NALCN: variants seen among roughly 807,000 people sequenced by gnomAD.
The protein encoded by NALCN is sodium leak channel NALCN.
In NALCN, 111 loss-of-function variants were observed where a neutral mutation model predicts 225.3. The ratio of observed to expected loss-of-function variants is 0.49; its 90% CI spans 0.42 to 0.58. The LOEUF (loss-of-function observed/expected upper bound fraction) is 0.58, where lower values mean the gene tolerates loss of function less well. Ranked by LOEUF, NALCN falls within the 20% of genes least tolerant of loss-of-function variation. NALCN has a pLI of 0.00. For missense variants in NALCN, 1,378 were observed against 2,202.4 expected (o/e 0.63, Z 7.49); for synonymous variants, 764 against 769.0 (o/e 0.99, Z 0.11).
intron 14 of NALCN, among the ~76,000 whole-genome samples, chr13:101,188,597 C>CAT (rs1198443450): frequency 1.3e-5 from 2 of 150,994 alleles, no homozygotes; most frequent in Non-Finnish European, 2.9e-5. Context: ...TATACACACA[C>CAT]ATATATATAC....
intron 33 of NALCN, 152 bp from the exon 34 acceptor site, chr13:101,081,798 A>C (rs1421950488): frequency 1.9e-5 from 20 of 1,075,902 alleles, no homozygotes; most frequent in Non-Finnish European, 2.6e-5. Flanking sequence ...TCCATTGAAA[A>C]TGAGACAAAC....
chr13:101,353,229 C>T (rs766165889), intron 6 of NALCN, among the ~76,000 whole-genome samples: 1 of 152,168 alleles, frequency 6.6e-6, no homozygotes, highest in African/African-American at 2.4e-5. Flanking sequence ...TTACGTGGTG[C>T]TTGTCTTGCC....
At chr13:101,288,548 A>G (rs1043297256) in intron 9 of NALCN, among the ~76,000 whole-genome samples, 5 of 152,162 alleles carry the variant, frequency 3.3e-5, no homozygotes, top group African/African-American at 1.2e-4. Flanking sequence ...AGAAAAACTC[A>G]AAAGTGCCCA....
chr13:101,279,928 T>TA (rs1369701403), intron 10 of NALCN, among the ~76,000 whole-genome samples: 1 of 151,896 alleles, frequency 6.6e-6, no homozygotes, highest in Admixed American at 6.6e-5. Context: ...GATACCATGG[T>TA]AGTCCAAGCC....
At chr13:101,403,642 ACT>A (rs2047539333) in intron 1 of NALCN, among the ~76,000 whole-genome samples, 1 of 152,226 alleles carries the variant, frequency 6.6e-6, no homozygotes, top group African/African-American at 2.4e-5. Context: ...GAAGTCATTG[ACT>A]CATTTTTAAT....
At chr13:101,092,188 A>G (rs754260044) in intron 28 of NALCN, among the ~76,000 whole-genome samples, 12 of 152,184 alleles carry the variant, frequency 7.9e-5, no homozygotes, top group Non-Finnish European at 1.8e-4. Context: ...AAGACATTAG[A>G]TCTGACCACA....
At chr13:101,367,305 T>C (rs887701640) in intron 6 of NALCN, among the ~76,000 whole-genome samples, 2 of 152,058 alleles carry the variant, frequency 1.3e-5, no homozygotes, top group African/African-American at 4.8e-5. Context: ...AATTTCCAAT[T>C]CAAACACTCC....
In NALCN at chr13:101,081,693, C is replaced by T. The variant is rs767929047; in HGVS notation, c.3766-47G>A. On this transcript the variant is annotated intron_variant, in intron 33 of 43. Coordinates refer to ENST00000251127, the MANE Select transcript of NALCN (RefSeq NM_052867.4). ...AAATAAACAGAGAGAGTGTTTAGTA[C>T]ATATTTAAATGTATTAACTTGAGAT... 7 of 1,602,060 alleles carry T rather than the reference C, an allele frequency of 4.4e-6. No individual in the cohort carries two copies. In the East Asian group the frequency reaches 8.9e-5, roughly 20 times the overall value.
chr13:101,181,550 C>G (rs1220072196), intron 14 of NALCN, among the ~76,000 whole-genome samples: 1 of 149,264 alleles, frequency 6.7e-6, no homozygotes, highest in Non-Finnish European at 1.5e-5. Flanking sequence ...TTGAGACCAG[C>G]CTGGGCAACC....
intron 10 of NALCN, among the ~76,000 whole-genome samples, chr13:101,270,663 T>C (rs912905641): frequency 2.0e-5 from 3 of 152,256 alleles, no homozygotes; most frequent in South Asian, 2.1e-4. Context: ...AACTGCCTGA[T>C]ACACAAAGTG....
Position 101,292,213 on chromosome 13 carries a change from C to T in NALCN, c.942+11G>A. 2 of 1,613,772 alleles carry T rather than the reference C, an allele frequency of 1.2e-6. No homozygotes were observed. Among genetic ancestry groups the T allele is most frequent in the Non-Finnish European group, 1.7e-6 (2 of 1,179,852 alleles). On this transcript the variant is annotated intron_variant, in intron 8 of 43. Transcript: ENST00000251127. The surrounding 1 kb of genome is among the most constrained non-coding windows in gnomAD (Gnocchi z 4.3). ...GAACATAGACTTTCTTAGTACAATT[C>T]TTCGCAGTACCTTCACAAGCCAGGC...
Position 101,055,479 on chromosome 13 carries a change from G to T in NALCN, c.5033C>A (p.Pro1678Gln). The T allele has an allele frequency of 6.2e-7, 1 of 1,613,964 alleles. No individual in the cohort carries two copies. The highest frequency in any genetic ancestry group is 8.5e-7 in the Non-Finnish European group (1 of 1,179,948). Residue 1678 changes from proline (P) to glutamine (Q), a missense_variant, in exon 44 of 44, where the codon CCA becomes CAA. Physicochemically the swap from Pro to Gln is moderately conservative, Grantham distance 76. Coordinates refer to ENST00000251127, the MANE Select transcript of NALCN (RefSeq NM_052867.4). ...GQWRLPSAPK[P>Q]ISHSVSSVNL... ...GACTGAGGACACTGAATGGCTTATT[G>T]GTTTTGGGGCTGTGGAATTAATGAG...
chr13:101,058,294 C>T, intron 42 of NALCN: 2 of 478,754 alleles, frequency 4.2e-6, no homozygotes, highest in Non-Finnish European at 7.4e-6. Flanking sequence ...TCCTGGGTAA[C>T]CCCCACTGCT....
chr13:101,145,936 TG>T (rs2037325388), intron 15 of NALCN, among the ~76,000 whole-genome samples: 2 of 152,194 alleles, frequency 1.3e-5, no homozygotes, highest in African/African-American at 4.8e-5. Context: ...CTCTATAATT[TG>T]TTTTAGGAAT....
In NALCN at chr13:101,144,748, G is replaced by A; in HGVS notation, c.1976+12C>T. ...ATATGTGAAATATGCAATTAAAGAA[G>A]TATTTTGGTACCTGATTTTAGGAAC... On this transcript the variant is annotated intron_variant, in intron 16 of 43. Transcript: ENST00000251127. 6.2e-7 allele frequency: 1 copy of A among 1,602,876 alleles called. No individual in the cohort carries two copies.
chr13:101,378,717 G>A, intron 3 of NALCN, 64 bp from the exon 4 acceptor site: 1 of 1,331,626 alleles, frequency 7.5e-7, no homozygotes, highest in Non-Finnish European at 1.1e-6. Flanking sequence ...AATCTGTGGA[G>A]GAAAATGTCA....
At chr13:101,243,547 A>G (rs1457078955) in intron 11 of NALCN, among the ~76,000 whole-genome samples, 1 of 104,524 alleles carries the variant, frequency 9.6e-6, no homozygotes, top group African/African-American at 3.4e-5. Flanking sequence ...CCATGGATAC[A>G]TGTTTTTGAT....
Position 101,059,861 on chromosome 13 carries a change from T to A in NALCN, c.4862A>T (p.Glu1621Val), listed in dbSNP as rs2031701498. 6.2e-7 allele frequency: 1 copy of A among 1,614,124 alleles called. No individual in the cohort carries two copies. Among genetic ancestry groups the A allele is most frequent in the East Asian group, 2.2e-5 (1 of 44,884 alleles). Reference sequence around the variant, plus strand: ...GTCCTGACTGTTGGCATTCGTGTCCTCACTGGGCTGGGTGGTCTCGATGCT... The same window carrying A: ...GTCCTGACTGTTGGCATTCGTGTCCACACTGGGCTGGGTGGTCTCGATGCT... ...PPSIETTQPS[E>V]DTNANSQDNS... Residue 1621 changes from glutamate (E) to valine (V), a missense_variant, in exon 42 of 44, where the codon GAG becomes GTG. Coordinates refer to ENST00000251127, the MANE Select transcript of NALCN (RefSeq NM_052867.4).
chr13:101,226,971 G>A (rs890895402), intron 13 of NALCN, among the ~76,000 whole-genome samples: 6 of 152,110 alleles, frequency 3.9e-5, no homozygotes, highest in African/African-American at 1.4e-4. Flanking sequence ...GTTCAGGACT[G>A]CTTAGCAAGG....
Sources: allele counts gnomAD v4.1 joint callset (sites outside exome capture counted in the v4.1 genomes callset), GRCh38; gene constraint gnomAD v4.1.1; non-coding constraint Gnocchi (gnomAD v3.1); transcripts MANE v1.5; gene names NCBI Gene and HGNC (gene_info 2026-07-23, HGNC 2026-07-21).